Variants in CUBN observed in about 807,000 individuals in gnomAD.
CUBN encodes the protein 460 kDa receptor.
In CUBN, 282 loss-of-function variants were observed where a neutral mutation model predicts 405.3. The observed-to-expected ratio is 0.70, with a 90% CI of 0.63 to 0.77. The LOEUF is 0.77. Ranked by LOEUF, CUBN falls within the 30% of genes least tolerant of loss-of-function variation. The pLI is 0.00. For missense variants in CUBN, 4,514 were observed against 4,475.2 expected (o/e 1.01, Z -0.25); for synonymous variants, 1,684 against 1,617.0 (o/e 1.04, Z -0.99).
At chr10:17,019,235 G>A (rs768501324) in intron 28 of CUBN, among the ~76,000 whole-genome samples, 30 of 152,268 alleles carry the variant, frequency 2.0e-4, no homozygotes, top group South Asian at 1.2e-3. Context: ...CATCTTCAGA[G>A]GAATGATGAT....
At chr10:17,062,765 A>C (rs1835530207) in intron 22 of CUBN, among the ~76,000 whole-genome samples, 1 of 152,230 alleles carries the variant, frequency 6.6e-6, no homozygotes, top group African/African-American at 2.4e-5. Flanking sequence ...GAAGACAAGA[A>C]AGACTTCAGC....
chr10:17,006,447 T>A (rs1288427141), intron 28 of CUBN, among the ~76,000 whole-genome samples: 4 of 152,186 alleles, frequency 2.6e-5, no homozygotes, highest in African/African-American at 9.7e-5. Context: ...ATAAAACCTT[T>A]GTCTTTAAAG....
At chr10:16,863,309 G>A (rs1407473431) in intron 59 of CUBN, among the ~76,000 whole-genome samples, 1 of 152,118 alleles carries the variant, frequency 6.6e-6, no homozygotes, top group Non-Finnish European at 1.5e-5. Context: ...TCTTTAAATG[G>A]GTTTACAGTT....
intron 28 of CUBN, among the ~76,000 whole-genome samples, chr10:16,997,923 T>C (rs1267567708): frequency 2.0e-5 from 3 of 152,084 alleles, no homozygotes; most frequent in African/African-American, 7.2e-5. Context: ...ACATGAAGCA[T>C]GTGCAGATGG....
At chr10:16,931,208 G>C (rs1842354933) in intron 40 of CUBN, among the ~76,000 whole-genome samples, 1 of 151,452 alleles carries the variant, frequency 6.6e-6, no homozygotes, top group African/African-American at 2.4e-5. Flanking sequence ...AGTTTGCAGT[G>C]AGCCAAGATA....
rs1838995753 is a variant in CUBN at position 16,831,564 on chromosome 10, T to C, written c.10363-147A>G. 9.6e-6 allele frequency: 7 copies of C among 730,134 alleles called. No individual in the cohort carries two copies. In the Admixed American group the frequency reaches 1.3e-4, roughly 14 times the overall value. The allele number at this position is 730,134 out of a possible 1,614,324, so 45.2% of individuals were successfully genotyped here. The stretch of plus-strand genomic sequence containing the variant: ...GAATGAAGCGTTTTCTGAAAATACA[T>C]GCAGAAGTCACCTTCACTTGCAAAG... On this transcript the variant is annotated intron_variant, in intron 64 of 66. Transcript: ENST00000377833.
chr10:16,925,507 G>C, intron 42 of CUBN, 77 bp downstream of exon 42: 4 of 1,608,158 alleles, frequency 2.5e-6, no homozygotes, highest in Non-Finnish European at 3.4e-6. Flanking sequence ...TATGTCCCAG[G>C]AGAGAAAAAT....
At chr10:16,960,514 C>G (rs893317192) in intron 31 of CUBN, among the ~76,000 whole-genome samples, 1 of 151,612 alleles carries the variant, frequency 6.6e-6, no homozygotes, top group South Asian at 2.1e-4. Context: ...ACAAAAAACC[C>G]CCACAAAAAC....
chr10:16,889,090 C>T (rs548770911), intron 55 of CUBN, among the ~76,000 whole-genome samples: 1 of 152,206 alleles, frequency 6.6e-6, no homozygotes, highest in African/African-American at 2.4e-5. Flanking sequence ...CCCTGGTTTT[C>T]GAAACAGAAA....
intron 27 of CUBN, among the ~76,000 whole-genome samples, chr10:17,031,204 A>C (rs1356733359): frequency 1.3e-5 from 2 of 152,196 alleles, no homozygotes; most frequent in African/African-American, 4.8e-5. Flanking sequence ...CAAGAGGAAA[A>C]TTAAATGTCT....
At chr10:17,055,862 C>A (rs1835382579) in intron 22 of CUBN, among the ~76,000 whole-genome samples, 1 of 151,880 alleles carries the variant, frequency 6.6e-6, no homozygotes, top group Non-Finnish European at 1.5e-5. Flanking sequence ...TCTGTAAATT[C>A]AATGCAATCT....
rs74624219 is a variant in CUBN, at chr10:17,038,246, G to A, written c.4017+2787C>T. Among the ~76,000 whole-genome samples, 141 of 152,094 alleles carry A rather than the reference G, an allele frequency of 9.3e-4. 6 individuals carry two copies. The East Asian group carries it at 0.024, about 26-fold the overall frequency. ...TTTCCATTTCTATATTCAATCACTC[G>A]TTTGAAATCTCCTTTTCTGCATGGA... On this transcript the variant is annotated intron_variant, in intron 27 of 66. Coordinates refer to ENST00000377833, the MANE Select transcript of CUBN (RefSeq NM_001081.4).
At chr10:17,122,439 T>A (rs1306724588) in intron 6 of CUBN, 1 of 374,126 alleles carries the variant, frequency 2.7e-6, no homozygotes, top group Non-Finnish European at 5.4e-6. Flanking sequence ...GGTGTCCCCT[T>A]TTCTACTTAA....
At chr10:17,123,044 T>C in intron 5 of CUBN, 146 bp from the exon 6 acceptor site, 3 of 689,792 alleles carry the variant, frequency 4.3e-6, no homozygotes, top group East Asian at 2.7e-5. Flanking sequence ...TATTAACCCC[T>C]GGCTATTCTT....
intron 33 of CUBN, among the ~76,000 whole-genome samples, chr10:16,950,798 T>C (rs781192975): frequency 2.6e-5 from 4 of 152,208 alleles, no homozygotes; most frequent in Non-Finnish European, 5.9e-5. Flanking sequence ...AAATGCCGTC[T>C]TTCCAGTTTT....
At position 17,043,866 on chromosome 10, in the gene CUBN, C is replaced by T. The variant is rs1173928997; in HGVS notation, c.3790G>A (p.Gly1264Ser). ...SMFIKLRTDEGQQGRGFKAEY... is the reference protein window; with the variant it reads ...SMFIKLRTDESQQGRGFKAEY... Reference sequence around the variant, plus strand: ...GCCTTGAAGCCACGTCCTTGCTGACCTTCATCTGTCCTCAGTTTTATAAAC... The same window carrying T: ...GCCTTGAAGCCACGTCCTTGCTGACTTTCATCTGTCCTCAGTTTTATAAAC... The change falls in exon 26 of 67, where the codon GGT becomes AGT. Residue 1264 changes from glycine (G) to serine (S), a missense_variant. This residue lies in a region of CUBN where 242 missense variants were observed against 309.0 expected (regional missense o/e 0.78). Transcript: ENST00000377833. 1 of 1,613,604 alleles carries T rather than the reference C, an allele frequency of 6.2e-7. No homozygotes were observed. The highest frequency in any genetic ancestry group is 8.5e-7 in the Non-Finnish European group (1 of 1,179,706).
rs547801183 is a variant in CUBN at position 16,925,666 on chromosome 10, C to A, written c.6380G>T (p.Gly2127Val). The stretch of plus-strand genomic sequence containing the variant: ...TTCAAAATGGACAGCAATGGTCAGG[C>A]CACTTTGGACCAGGACGTGCCAAGA... ...NCSWHVLVQS[G>V]LTIAVHFEQP... The change falls in exon 42 of 67, where the codon GGC becomes GTC. Residue 2127 changes from glycine (G) to valine (V), a missense_variant. Physicochemically the swap from Gly to Val is moderately radical, Grantham distance 109. Transcript: ENST00000377833. 3.1e-6 allele frequency: 5 copies of A among 1,614,012 alleles called. No individual in the cohort carries two copies. The African/African-American group carries it at 6.7e-5, about 22-fold the overall frequency.
intron 31 of CUBN, among the ~76,000 whole-genome samples, chr10:16,966,286 C>T (rs1843389657): frequency 6.6e-6 from 1 of 152,158 alleles, no homozygotes; most frequent in Non-Finnish European, 1.5e-5. Flanking sequence ...ACAAAGAGCA[C>T]AGTGTCTGGG....
chr10:17,109,086 G>T (rs1430133876), intron 10 of CUBN, among the ~76,000 whole-genome samples: 1 of 152,096 alleles, frequency 6.6e-6, no homozygotes, highest in Non-Finnish European at 1.5e-5. Context: ...TACACTGTCG[G>T]TGAATACATA....
Sources: gnomAD v4.1 joint callset for allele counts (sites outside exome capture counted in the v4.1 genomes callset) on GRCh38, gnomAD v4.1.1 for gene constraint, gnomAD v4.1.1 regional missense constraint, MANE v1.5 for transcripts, NCBI Gene and HGNC (gene_info 2026-07-23, HGNC 2026-07-21) for gene names.